CRISP1: variants seen among roughly 807,000 people sequenced by gnomAD.
The protein encoded by CRISP1 is cysteine-rich secretory protein 1.
CRISP1 carries 44 observed loss-of-function variants against 33.1 expected under a neutral mutation model. The observed-to-expected ratio is 1.33, with a 90% CI of 1.05 to 1.71. The LOEUF is 1.71. Among genes scored for constraint, CRISP1 ranks in the 40% most tolerant of loss-of-function variants. The pLI is 0.00. For synonymous variants in CRISP1, 103 were observed against 98.7 expected (o/e 1.04, Z -0.26); for missense variants, 390 against 301.2 (o/e 1.29, Z -2.18).
At chr6:49,852,846 T>TTGTGTGTGTGTGTG (rs3056388) in intron 2 of CRISP1, among the ~76,000 whole-genome samples, 5 of 145,438 alleles carry the variant, frequency 3.4e-5, no homozygotes, top group African/African-American at 1.3e-4. Context: ...AAGAGAATCT[T>TTGTGTGTGTGTGTG]TGTGTGTGTG....
At chr6:49,852,216 TTA>T in intron 2 of CRISP1, 87 bp from the exon 3 acceptor site, 1 of 1,201,362 alleles carries the variant, frequency 8.3e-7, no homozygotes, top group South Asian at 1.5e-5. Context: ...TAATGCAAAT[TTA>T]TAGTTTATAT....
At chr6:49,850,944 G>A (rs1174064323) in intron 3 of CRISP1, among the ~76,000 whole-genome samples, 1 of 151,990 alleles carries the variant, frequency 6.6e-6, no homozygotes, top group Non-Finnish European at 1.5e-5. Flanking sequence ...TTTTGAATAA[G>A]CTACTCAATT....
chr6:49,854,008 C>A (rs959347313), intron 2 of CRISP1, among the ~76,000 whole-genome samples: 2 of 152,202 alleles, frequency 1.3e-5, no homozygotes, highest in Non-Finnish European at 2.9e-5. Flanking sequence ...CACTCTGTCA[C>A]TCTCCACATT....
At chr6:49,872,640 C>A (rs1211577559) in intron 1 of CRISP1, among the ~76,000 whole-genome samples, 2 of 152,176 alleles carry the variant, frequency 1.3e-5, no homozygotes, top group South Asian at 2.1e-4. Flanking sequence ...TTTCCCAGCA[C>A]CATTTATTAA....
chr6:49,859,611 A>G (rs1255097301), intron 1 of CRISP1, among the ~76,000 whole-genome samples: 4 of 152,166 alleles, frequency 2.6e-5, no homozygotes, highest in African/African-American at 9.7e-5. Flanking sequence ...CAAAAGTATT[A>G]AACCCACTGG....
At chr6:49,866,140 C>A (rs373588507) in intron 1 of CRISP1, among the ~76,000 whole-genome samples, 14 of 152,042 alleles carry the variant, frequency 9.2e-5, no homozygotes, top group African/African-American at 3.4e-4. Context: ...ATCTATATAA[C>A]CCTATGGTAA....
chr6:49,859,079 C>T (rs1771573578), intron 1 of CRISP1, among the ~76,000 whole-genome samples: 1 of 152,092 alleles, frequency 6.6e-6, no homozygotes, highest in African/African-American at 2.4e-5. Flanking sequence ...TCGTGGACTT[C>T]TGCTTCCTAG....
At chr6:49,867,817 C>T (rs1447169523), upstream of CRISP1, among the ~76,000 whole-genome samples, 1 of 152,076 alleles carries the variant, frequency 6.6e-6, no homozygotes, top group South Asian at 2.1e-4. Flanking sequence ...CTTTAATTGG[C>T]TTTAAAGAAT....
At chr6:49,847,575 C>T (rs1290416888) in intron 4 of CRISP1, among the ~76,000 whole-genome samples, 1 of 152,120 alleles carries the variant, frequency 6.6e-6, no homozygotes, top group Admixed American at 6.6e-5. Flanking sequence ...GATGTGGGTG[C>T]CATGCTTCCT....
intron 3 of CRISP1, among the ~76,000 whole-genome samples, chr6:49,851,270 T>C (rs564218045): frequency 6.6e-6 from 1 of 152,240 alleles, no homozygotes; most frequent in East Asian, 1.9e-4. Context: ...TTCTAACCCT[T>C]GTTGCTACAG....
Position 49,835,316 on chromosome 6 carries a change from C to T in CRISP1, c.750G>A (p.Ter250=), listed in dbSNP as rs756867160. The change falls in exon 8 of 8, where the codon TAG becomes TAA. Residue 250 remains the stop codon, a stop_retained_variant. Transcript: ENST00000335847. Reference sequence around the variant, plus strand: ...TAGAACAGTTGAAAATAACAAAGACCTATTTTATCTCAGTGTCACACAGAC... The same window carrying T: ...TAGAACAGTTGAAAATAACAAAGACTTATTTTATCTCAGTGTCACACAGAC... ...ATCLCDTEIK[*] 6 of 1,613,062 alleles carry T rather than the reference C, an allele frequency of 3.7e-6. No homozygotes were observed. Among genetic ancestry groups the T allele is most frequent in the African/African-American group, 1.3e-5 (1 of 74,864 alleles).
intron 7 of CRISP1, 77 bp downstream of exon 7, chr6:49,838,360 T>C (rs1211834443): frequency 9.4e-7 from 1 of 1,064,214 alleles, no homozygotes; most frequent in African/African-American, 1.6e-5. Flanking sequence ...CGATGTTTTT[T>C]AATGCTTAAT....
Position 49,851,984 on chromosome 6 carries a change from C to G in CRISP1, c.195+17G>C, listed in dbSNP as rs778780372. On this transcript the variant is annotated intron_variant, in intron 3 of 7. Transcript: ENST00000335847. ...ACTATTATTGCAATCATGGTTGTTGCTATTTTTTGATCTTACCATCTTCAG... is the reference window on the plus strand; with the variant it reads ...ACTATTATTGCAATCATGGTTGTTGGTATTTTTTGATCTTACCATCTTCAG... 6.3e-7 allele frequency: 1 copy of G among 1,599,236 alleles called. No individual in the cohort carries two copies. The highest frequency in any genetic ancestry group is 1.1e-5 in the South Asian group (1 of 87,506).
At chr6:49,838,569 A>C (rs1770880989) in intron 6 of CRISP1, 44 bp from the exon 7 acceptor site, 1 of 1,481,684 alleles carries the variant, frequency 6.7e-7, no homozygotes, top group Non-Finnish European at 9.3e-7. Flanking sequence ...TCTTTGAAAA[A>C]CTCACATAAA....
chr6:49,854,889 A>G (rs62404915), intron 2 of CRISP1, among the ~76,000 whole-genome samples: 14,717 of 152,172 alleles, frequency 0.097, 994 homozygotes, highest in Non-Finnish European at 0.15. Flanking sequence ...CAAGGCCCAG[A>G]ACAGCCCTCA....
intron 1 of CRISP1, among the ~76,000 whole-genome samples, chr6:49,872,731 G>T (rs546987601): frequency 6.6e-6 from 1 of 152,216 alleles, no homozygotes; most frequent in African/African-American, 2.4e-5. Flanking sequence ...CATTATTTCT[G>T]AGGGCTGTGT....
Position 49,848,308 on chromosome 6 carries a change from GA to G in CRISP1, c.196-10del. ...GCCTCTTCACTCCAACTCTGTAGTG[GA>G]AAGAAAAAAAAAGCACATGTTCCAA... On this transcript the variant is annotated splice_polypyrimidine_tract_variant and intron_variant, in intron 3 of 7. Transcript: ENST00000335847. 6.6e-7 allele frequency: 1 copy of G among 1,520,492 alleles called. No homozygotes were observed. The highest frequency in any genetic ancestry group is 8.9e-7 in the Non-Finnish European group (1 of 1,123,076). The allele number at this position is 1,520,492 out of a possible 1,614,324, so 94.2% of individuals were successfully genotyped here.
At chr6:49,839,510 T>C (rs980075828) in intron 6 of CRISP1, among the ~76,000 whole-genome samples, 2 of 152,070 alleles carry the variant, frequency 1.3e-5, no homozygotes, top group East Asian at 1.9e-4. Flanking sequence ...AAACATAATG[T>C]AGATAATATC....
chr6:49,864,008 A>G (rs9473678), intron 1 of CRISP1, among the ~76,000 whole-genome samples: 379 of 152,302 alleles, frequency 2.5e-3, no homozygotes, highest in African/African-American at 8.7e-3. Flanking sequence ...TACCAAAAGC[A>G]ATATATAGAT....
Sources: allele counts gnomAD v4.1 joint callset (sites outside exome capture counted in the v4.1 genomes callset), GRCh38; gene constraint gnomAD v4.1.1; transcripts MANE v1.5; gene names NCBI Gene and HGNC (gene_info 2026-07-23, HGNC 2026-07-21).